SURF4: variants seen among roughly 807,000 people sequenced by gnomAD.
The protein encoded by SURF4 is surfeit 4, also known as surfeit locus protein 4.
SURF4 carries 3 observed loss-of-function variants against 30.0 expected under a neutral mutation model. That is an observed-to-expected ratio of 0.10 (90% confidence interval 0.05 to 0.26). The LOEUF (loss-of-function observed/expected upper bound fraction) is 0.26, where lower values mean the gene tolerates loss of function less well. Ranked by LOEUF, SURF4 falls within the 10% of genes least tolerant of loss-of-function variation. SURF4 has a pLI of 1.00. For synonymous variants in SURF4, 143 were observed against 139.9 expected (o/e 1.02, Z -0.16); for missense variants, 217 against 350.8 (o/e 0.62, Z 3.05).
chr9:133,376,200 C>T, upstream of SURF4: 1 of 1,273,268 alleles, frequency 7.9e-7, no homozygotes, highest in Non-Finnish European at 9.9e-7. Flanking sequence ...GCCTCCCGAC[C>T]CATCCGCTCG....
chr9:133,376,441 TG>T (rs1227807372), upstream of SURF4: 1 of 1,542,088 alleles, frequency 6.5e-7, no homozygotes, highest in Admixed American at 2.1e-5. Context: ...GGGCCAGGGG[TG>T]GACGCTCGCC....
At chr9:133,373,004 G>T (rs1240977470) in intron 1 of SURF4, among the ~76,000 whole-genome samples, 2 of 152,238 alleles carry the variant, frequency 1.3e-5, no homozygotes, top group Non-Finnish European at 2.9e-5. Flanking sequence ...GACGGCGGCA[G>T]CCTGCGCTGC....
In SURF4 at chr9:133,362,016, G is replaced by A. The variant is rs1836840071; in HGVS notation, c.*1477C>T. 6.6e-6 allele frequency: 1 copy of A among 152,274 alleles called. No homozygotes were observed. Among genetic ancestry groups the A allele is most frequent in the Non-Finnish European group, 1.5e-5 (1 of 68,048 alleles). The allele number at this position is 152,274 out of a possible 1,614,324, so 9.4% of individuals were successfully genotyped here. ...CGATCTTACCAATATTCGGGGGTAA[G>A]GAAGTAGGCTACCAGGGGAATATTT... is the stretch of plus-strand genomic sequence containing the variant. On this transcript the variant is annotated 3_prime_UTR_variant, in exon 6 of 6. Transcript: ENST00000371989.
Position 133,362,898 on chromosome 9 carries a change from G to A in SURF4, c.*595C>T, listed in dbSNP as rs1836907127. 1 of 159,608 alleles carries A rather than the reference G, an allele frequency of 6.3e-6. No individual in the cohort carries two copies. The highest frequency in any genetic ancestry group is 6.0e-5 in the Admixed American group (1 of 16,550). 9.9% of individuals were successfully genotyped at this position (159,608 alleles called of 1,614,324 possible). On this transcript the variant is annotated 3_prime_UTR_variant, in exon 6 of 6. Transcript: ENST00000371989. ...TGACCGATGACTTTTATCATAAACA[G>A]CAGCTTCTACCACCCCTTTAATACT...
chr9:133,364,432 T>C (rs984191190), intron 5 of SURF4, among the ~76,000 whole-genome samples: 9 of 152,164 alleles, frequency 5.9e-5, no homozygotes, highest in Non-Finnish European at 1.2e-4. Context: ...GGCTCACGCC[T>C]GTAATCCCAG....
chr9:133,366,734 C>A, intron 2 of SURF4, 59 bp from the exon 3 acceptor site: 1 of 1,493,408 alleles, frequency 6.7e-7, no homozygotes, highest in South Asian at 1.1e-5. Context: ...GGAGCACTGT[C>A]TTGATACACT....
chr9:133,372,195 G>A (rs1248528300), intron 1 of SURF4, among the ~76,000 whole-genome samples: 3 of 152,232 alleles, frequency 2.0e-5, no homozygotes, highest in African/African-American at 7.2e-5. Flanking sequence ...CTGGGAGCAA[G>A]AGGACACTGT....
At chr9:133,371,378 G>C (rs183864830) in intron 1 of SURF4, among the ~76,000 whole-genome samples, 1 of 152,142 alleles carries the variant, frequency 6.6e-6, no homozygotes, top group African/African-American at 2.4e-5. Context: ...GAACTTCCCC[G>C]AGCCCCGCTC....
chr9:133,376,656 G>A, upstream of SURF4: 1 of 1,144,562 alleles, frequency 8.7e-7, no homozygotes, highest in Non-Finnish European at 1.2e-6. Context: ...GGCGGCGAGG[G>A]GCCCGCGCCC....
intron 1 of SURF4, chr9:133,370,870 G>A: frequency 8.5e-6 from 11 of 1,289,670 alleles, no homozygotes; most frequent in Non-Finnish European, 1.1e-5. Flanking sequence ...ATGACAGTTA[G>A]CTCACCTCTG....
chr9:133,371,978 C>T (rs1837533459), intron 1 of SURF4, among the ~76,000 whole-genome samples: 1 of 152,204 alleles, frequency 6.6e-6, no homozygotes, highest in South Asian at 2.1e-4. Flanking sequence ...CAGGCAGAAC[C>T]CATTAAGTGC....
chr9:133,376,399 A>G (rs2130247290), upstream of SURF4: 112,558 of 1,450,424 alleles, frequency 0.078, 4,911 homozygotes, highest in Non-Finnish European at 0.089. Flanking sequence ...GGCGGGGAGG[A>G]TCCCGCGGGT....
upstream of SURF4, among the ~76,000 whole-genome samples, chr9:133,377,669 GA>G (rs2130255191): frequency 0.066 from 9,607 of 146,026 alleles, 405 homozygotes; most frequent in African/African-American, 0.12. Context: ...GTCTCAGAAA[GA>G]AAAAAAAAAA....
chr9:133,375,854 C>A (rs1002317643), intron 1 of SURF4, 68 bp downstream of exon 1: 1 of 1,207,972 alleles, frequency 8.3e-7, no homozygotes, highest in Non-Finnish European at 1.0e-6. Context: ...CGCTGGGAGG[C>A]CGACTCCGGA....
chr9:133,371,775 G>A (rs1837522277), intron 1 of SURF4, among the ~76,000 whole-genome samples: 1 of 152,194 alleles, frequency 6.6e-6, no homozygotes, highest in Non-Finnish European at 1.5e-5. Flanking sequence ...GACCCTCACA[G>A]TGCCTGTGCC....
At chr9:133,366,699 G>C in intron 2 of SURF4, 24 bp from the exon 3 acceptor site, 1 of 1,610,998 alleles carries the variant, frequency 6.2e-7, no homozygotes, top group Non-Finnish European at 8.5e-7. Flanking sequence ...CAAGGGTTAG[G>C]GGGCCTGAGG....
At chr9:133,373,842 C>T (rs1405087595) in intron 1 of SURF4, among the ~76,000 whole-genome samples, 6 of 131,260 alleles carry the variant, frequency 4.6e-5, no homozygotes, top group Admixed American at 1.8e-4. Context: ...TGCTTGAATC[C>T]GGGAGGCGGG....
upstream of SURF4, chr9:133,376,281 C>T (rs2130246533): frequency 4.6e-6 from 6 of 1,317,702 alleles, no homozygotes; most frequent in South Asian, 2.1e-5. Flanking sequence ...GCAGGCCCTG[C>T]GGTCCCTCCC....
At chr9:133,369,157 G>A (rs1174829069) in intron 1 of SURF4, among the ~76,000 whole-genome samples, 3 of 152,196 alleles carry the variant, frequency 2.0e-5, no homozygotes, top group Admixed American at 1.3e-4. Context: ...AGAGAACGGA[G>A]GCAGAGATTA....
Sources: gnomAD v4.1 joint callset for allele counts (sites outside exome capture counted in the v4.1 genomes callset) on GRCh38, gnomAD v4.1.1 for gene constraint, MANE v1.5 for transcripts, NCBI Gene and HGNC (gene_info 2026-07-23, HGNC 2026-07-21) for gene names.